The following ARMC12 variants were observed in gnomAD, a reference collection of about 807,000 sequenced individuals.
ARMC12 encodes the protein armadillo repeat containing 12, also known as armadillo repeat-containing protein 12.
In ARMC12, 25 loss-of-function variants were observed where a neutral mutation model predicts 37.4. The ratio of observed to expected loss-of-function variants is 0.67; its 90% CI spans 0.49 to 0.93. The LOEUF (loss-of-function observed/expected upper bound fraction) is 0.93, where lower values mean the gene tolerates loss of function less well. Among genes scored for constraint, ARMC12 ranks in the 40% least tolerant of loss-of-function variants. The pLI is 0.00. For missense variants in ARMC12, 384 were observed against 426.6 expected (o/e 0.90, Z 0.88); for synonymous variants, 167 against 176.1 (o/e 0.95, Z 0.41).
chr6:35,748,375 T>C (rs1767402827), intron 5 of ARMC12, among the ~76,000 whole-genome samples, 163 bp from the exon 6 acceptor site: 1 of 152,146 alleles, frequency 6.6e-6, no homozygotes. Flanking sequence ...CACAAGGCAA[T>C]TAAATTAGAG....
rs146952090 is a variant in ARMC12 at position 35,741,566 on chromosome 6, G to C, written c.444+3048G>C. On this transcript the variant is annotated intron_variant, in intron 3 of 5. Coordinates refer to ENST00000373866, the MANE Select transcript of ARMC12 (RefSeq NM_001286574.2). ...AGTAGCTGGAATCACAGGCGTGCGCGCACCACCATGCCTGGCTAATTTTTT... is the reference window on the plus strand; with the variant it reads ...AGTAGCTGGAATCACAGGCGTGCGCCCACCACCATGCCTGGCTAATTTTTT... Among the ~76,000 whole-genome samples the C allele has an allele frequency of 6.2e-4, 94 of 151,924 alleles. 1 individual carries two copies. In the East Asian group the frequency reaches 0.018, roughly 28 times the overall value.
intron 2 of ARMC12, 21 bp from the exon 3 acceptor site, chr6:35,738,363 C>G: frequency 6.2e-7 from 1 of 1,611,162 alleles, no homozygotes; most frequent in Non-Finnish European, 8.5e-7. Context: ...CTGCCTCTTC[C>G]ATCTCTCCCC....
chr6:35,731,585 G>A, the ARMC12 span, among the ~76,000 whole-genome samples: 2 of 152,138 alleles, frequency 1.3e-5, no homozygotes, highest in South Asian at 4.1e-4. Flanking sequence ...GGGAGGATGA[G>A]GTTGGTGGCC....
In ARMC12 at chr6:35,739,605, G is replaced by A. The variant is rs1007240387; in HGVS notation, c.444+1087G>A. 4.6e-5 allele frequency among the ~76,000 whole-genome samples: 7 copies of A among 152,296 alleles called. No homozygotes were observed. The East Asian group carries it at 7.7e-4, about 17-fold the overall frequency. On this transcript the variant is annotated intron_variant, in intron 3 of 5. Transcript: ENST00000373866. ...AATGGGTCCCATTAAGAATTCCTTC[G>A]TAATTTTGTCATGCTTTAAGGCCCA...
At chr6:35,745,370 C>T (rs1361520695) in intron 3 of ARMC12, among the ~76,000 whole-genome samples, 1 of 152,178 alleles carries the variant, frequency 6.6e-6, no homozygotes, top group East Asian at 1.9e-4. Flanking sequence ...AAGCCGATCT[C>T]AAATGATCAC....
At chr6:35,733,351 G>A (rs1766879356), upstream of ARMC12, among the ~76,000 whole-genome samples, 1 of 152,182 alleles carries the variant, frequency 6.6e-6, no homozygotes, top group Non-Finnish European at 1.5e-5. Context: ...GAGATAATTA[G>A]GATTATAGTA....
upstream of ARMC12, among the ~76,000 whole-genome samples, chr6:35,734,398 G>A (rs1400642612): frequency 1.3e-5 from 2 of 152,314 alleles, no homozygotes; most frequent in African/African-American, 4.8e-5. Context: ...CTGGGCTCAA[G>A]CAATCCACTC....
chr6:35,748,927 C>T lies in ARMC12; in HGVS notation c.*57C>T, dbSNP rs752422891. On this transcript the variant is annotated 3_prime_UTR_variant, in exon 6 of 6. Coordinates refer to ENST00000373866, the MANE Select transcript of ARMC12 (RefSeq NM_001286574.2). ...GAGAAACTTGAAGTTTCTTGAAGCT[C>T]GAATGTCTGTTGGTGGCCTTCCAGG... 51 of 1,512,072 alleles carry T rather than the reference C, an allele frequency of 3.4e-5. No homozygotes were observed. Among genetic ancestry groups the T allele is most frequent in the Non-Finnish European group, 4.4e-5 (49 of 1,123,666 alleles). 93.7% of individuals were successfully genotyped at this position (1,512,072 alleles called of 1,614,324 possible). A position where few individuals can be genotyped will look rare whatever the true frequency, so the allele number is the denominator to read the frequency against.
chr6:35,737,754 T>G (rs949302627), intron 1 of ARMC12, among the ~76,000 whole-genome samples: 1 of 152,214 alleles, frequency 6.6e-6, no homozygotes, highest in African/African-American at 2.4e-5. Context: ...CTGGTTATGA[T>G]GAAATACTAC....
At position 35,745,890 on chromosome 6, in the gene ARMC12, A is replaced by G. The variant is rs147330571; in HGVS notation, c.445-1371A>G. On this transcript the variant is annotated intron_variant, in intron 3 of 5. Transcript: ENST00000373866. ...GCGAAAACCCGTCTCTACTAAAAAT[A>G]CAAAAATTAGTTGAGCACGGTGGCG... Among the ~76,000 whole-genome samples the G allele has an allele frequency of 5.1e-3, 774 of 152,222 alleles. 9 individuals carry two copies. The highest frequency in any genetic ancestry group is 0.018 in the African/African-American group (741 of 41,514).
rs1767064001 is a variant in ARMC12 at position 35,738,465 on chromosome 6, C to T, written c.391C>T (p.Leu131=). The T allele has an allele frequency of 5.6e-6, 9 of 1,613,982 alleles. No individual in the cohort carries two copies. The highest frequency in any genetic ancestry group is 7.6e-6 in the Non-Finnish European group (9 of 1,180,010). Residue 131 remains leucine (L), a synonymous_variant, in exon 3 of 6, where the codon CTG becomes TTG. Transcript: ENST00000373866. The part of the protein sequence containing the change: ...DKDNSVKTQA[L]NTLKAFSGIR... Reference sequence around the variant, plus strand: ...GGACAACAGTGTCAAAACCCAAGCTCTGAATACACTTAAAGCTTTCTCTGG... The same window carrying T: ...GGACAACAGTGTCAAAACCCAAGCTTTGAATACACTTAAAGCTTTCTCTGG...
In ARMC12 at chr6:35,747,449, T is replaced by C; in HGVS notation, c.618+15T>C. The C allele has an allele frequency of 1.9e-6, 3 of 1,614,122 alleles. No individual in the cohort carries two copies. The highest frequency in any genetic ancestry group is 1.7e-6 in the Non-Finnish European group (2 of 1,180,004). On this transcript the variant is annotated intron_variant, in intron 4 of 5. Transcript: ENST00000373866. ...TCCTGGCACAGGTGCCTGAGGACCA[T>C]GGCCAAGGCCCTGCCTTGCTGACCA... is the stretch of plus-strand genomic sequence containing the variant.
chr6:35,739,511 T>TC (rs112966699), intron 3 of ARMC12, among the ~76,000 whole-genome samples: 37,452 of 152,016 alleles, frequency 0.25, 4,677 homozygotes, highest in African/African-American at 0.28. Context: ...TTCCTTCAGA[T>TC]CCCAATAAAC....
intron 2 of ARMC12, 89 bp from the exon 3 acceptor site, chr6:35,738,295 G>GT (rs1767053609): frequency 9.2e-6 from 13 of 1,414,870 alleles, no homozygotes; most frequent in Admixed American, 5.9e-5. Context: ...GTGGGGGGGG[G>GT]GTGTGCGGAG....
chr6:35,742,324 C>T lies in ARMC12; in HGVS notation c.444+3806C>T, dbSNP rs546805871. Among the ~76,000 whole-genome samples the T allele has an allele frequency of 1.3e-4, 19 of 151,478 alleles. No homozygotes were observed. The East Asian group carries it at 2.0e-3, about 16-fold the overall frequency. On this transcript the variant is annotated intron_variant, in intron 3 of 5. Coordinates refer to ENST00000373866, the MANE Select transcript of ARMC12 (RefSeq NM_001286574.2). ...CAGCCTAGCCAACATGGAGAAACCC[C>T]GTCTCTACTAAAAATACAAAAATTA...
intron 2 of ARMC12, 95 bp from the exon 3 acceptor site, chr6:35,738,289 G>GGA: frequency 7.0e-7 from 1 of 1,427,812 alleles, no homozygotes; most frequent in Non-Finnish European, 9.4e-7. Flanking sequence ...ATAGCGGTGG[G>GGA]GGGGGGGTGT....
Position 35,747,353 on chromosome 6 carries a change from G to A in ARMC12, c.537G>A (p.Leu179=). ...TCAGACTCCTCAACAACCTTCCACT[G>A]CCCGACTATGTGCATCCACAGCTGC... is the stretch of plus-strand genomic sequence containing the variant. ...AGLRLLNNLP[L]PDYVHPQLRR... The change falls in exon 4 of 6, where the codon CTG becomes CTA. Residue 179 remains leucine (L), a synonymous_variant. Transcript: ENST00000373866. The A allele has an allele frequency of 6.2e-7, 1 of 1,614,144 alleles. No individual in the cohort carries two copies. The highest frequency in any genetic ancestry group is 8.5e-7 in the Non-Finnish European group (1 of 1,180,030).
chr6:35,745,521 T>C (rs1767310372), intron 3 of ARMC12, among the ~76,000 whole-genome samples: 1 of 152,164 alleles, frequency 6.6e-6, no homozygotes, highest in African/African-American at 2.4e-5. Context: ...GATAGATCTT[T>C]GTGGCAATGG....
At chr6:35,739,472 C>T (rs545531914) in intron 3 of ARMC12, among the ~76,000 whole-genome samples, 1 of 151,994 alleles carries the variant, frequency 6.6e-6, no homozygotes, top group South Asian at 2.1e-4. Flanking sequence ...CTTATTTTGT[C>T]TCTTGCTAAA....
Sources: allele counts gnomAD v4.1 joint callset (sites outside exome capture counted in the v4.1 genomes callset), GRCh38; gene constraint gnomAD v4.1.1; transcripts MANE v1.5; gene names NCBI Gene and HGNC (gene_info 2026-07-23, HGNC 2026-07-21).